Variants in BPI observed in about 807,000 individuals in gnomAD.
The protein encoded by BPI is bactericidal permeability-increasing protein.
In BPI, 48 loss-of-function variants were observed where a neutral mutation model predicts 57.6. The ratio of observed to expected loss-of-function variants is 0.83; its 90% CI spans 0.66 to 1.06. The LOEUF (loss-of-function observed/expected upper bound fraction) is 1.06. Among genes scored for constraint, BPI ranks in the 50% least tolerant of loss-of-function variants. The probability of loss-of-function intolerance (pLI) is 0.00; values close to 1 mark genes in which losing one functional copy is unlikely to be tolerated. For missense variants in BPI, 651 were observed against 609.7 expected (o/e 1.07, Z -0.71); for synonymous variants, 237 against 238.2 (o/e 0.99, Z 0.05).
chr20:38,311,655 G>A (rs2076622474), intron 4 of BPI, among the ~76,000 whole-genome samples: 1 of 152,124 alleles, frequency 6.6e-6, no homozygotes, highest in Non-Finnish European at 1.5e-5. Context: ...AGACTGGGAC[G>A]GGGGCCCAGC....
intron 8 of BPI, 77 bp downstream of exon 8, chr20:38,324,123 A>G (rs1600708724): frequency 6.6e-7 from 1 of 1,507,350 alleles, no homozygotes; most frequent in South Asian, 1.3e-5. Context: ...AAATCTGGAA[A>G]AAGCTTTTCT....
intron 5 of BPI, among the ~76,000 whole-genome samples, chr20:38,314,531 G>T (rs543489466): frequency 2.7e-5 from 4 of 148,494 alleles, no homozygotes; most frequent in Non-Finnish European, 6.0e-5. Flanking sequence ...TGGTAGGGAT[G>T]ATGATAATGA....
intron 9 of BPI, among the ~76,000 whole-genome samples, chr20:38,325,894 G>A (rs1248832327): frequency 6.6e-6 from 1 of 152,196 alleles, no homozygotes; most frequent in Non-Finnish European, 1.5e-5. Context: ...CCCCCTTGAA[G>A]CCACTACTGC....
At chr20:38,330,446 C>T (rs193272384) in intron 11 of BPI, among the ~76,000 whole-genome samples, 14 of 152,234 alleles carry the variant, frequency 9.2e-5, no homozygotes, top group African/African-American at 3.4e-4. Context: ...GCCATATGTT[C>T]CCCCCTTCCT....
intron 7 of BPI, 96 bp downstream of exon 7, chr20:38,320,370 A>C: frequency 2.7e-6 from 3 of 1,104,440 alleles, no homozygotes; most frequent in Non-Finnish European, 3.9e-6. Context: ...AATGTCCCCT[A>C]CTTCCTATCT....
At chr20:38,326,199 G>C in intron 9 of BPI, 66 bp from the exon 10 acceptor site, 1 of 1,510,870 alleles carries the variant, frequency 6.6e-7, no homozygotes, top group Non-Finnish European at 9.0e-7. Context: ...GCAGGCCAAG[G>C]TAGGATTCAG....
At position 38,324,011 on chromosome 20, in the gene BPI, G is replaced by A. The variant is rs1333560086; in HGVS notation, c.898G>A (p.Ala300Thr). Reference protein sequence around the residue: ...FNTAGLVYQEAGVLKMTLRDD... With the variant: ...FNTAGLVYQETGVLKMTLRDD... The stretch of plus-strand genomic sequence containing the variant: ...CACAGCCGGGCTTGTATACCAAGAG[G>A]CTGGGGTCTTGAAGATGACCCTTAG... Residue 300 changes from alanine (A) to threonine (T), a missense_variant, in exon 8 of 15, where the codon GCT becomes ACT. By Grantham distance (58) the Ala-to-Thr change is moderately conservative. Coordinates refer to ENST00000642449, the MANE Select transcript of BPI (RefSeq NM_001725.3). 2 of 1,614,010 alleles carry A rather than the reference G, an allele frequency of 1.2e-6. No homozygotes were observed. The highest frequency in any genetic ancestry group is 2.7e-5 in the African/African-American group (2 of 74,924).
At chr20:38,311,678 C>T (rs368443603) in intron 4 of BPI, among the ~76,000 whole-genome samples, 196 bp from the exon 5 acceptor site, 23 of 152,048 alleles carry the variant, frequency 1.5e-4, no homozygotes, top group African/African-American at 5.3e-4. Flanking sequence ...TGCAGGGATT[C>T]AGGAAATAGC....
chr20:38,322,112 G>A (rs970495397), intron 7 of BPI, among the ~76,000 whole-genome samples: 11 of 152,214 alleles, frequency 7.2e-5, no homozygotes, highest in African/African-American at 2.7e-4. Flanking sequence ...TTTACTGGCT[G>A]CTTGGATTTT....
chr20:38,335,508 G>C, intron 13 of BPI, 90 bp from the exon 14 acceptor site: 1 of 1,192,190 alleles, frequency 8.4e-7, no homozygotes, highest in Admixed American at 1.7e-5. Flanking sequence ...CTGGTTCAGG[G>C]AGGCTGTCTA....
Position 38,335,579 on chromosome 20 carries a change from C to T in BPI, c.1337-19C>T, listed in dbSNP as rs551003949. ...TCTCTTTCTTTTCTCCTGGTCCTCA[C>T]CATCGGTCTCTGTCACAGAGAAACT... On this transcript the variant is annotated intron_variant, in intron 13 of 14. Coordinates refer to ENST00000642449, the MANE Select transcript of BPI (RefSeq NM_001725.3). 137 of 1,609,824 alleles carry T rather than the reference C, an allele frequency of 8.5e-5. 1 individual carries two copies. The South Asian group carries it at 1.4e-3, about 16-fold the overall frequency.
chr20:38,309,507 G>A lies in BPI; in HGVS notation c.374+449G>A, dbSNP rs777842525. On this transcript the variant is annotated intron_variant, in intron 3 of 14. Transcript: ENST00000642449. ...CCTCCTCCTTGGACCAGTGGGTTAT[G>A]CAGAGCATATTCTTGGTGATAGCAG... Among the ~76,000 whole-genome samples, 6 of 152,178 alleles carry A rather than the reference G, an allele frequency of 3.9e-5. No homozygotes were observed. In the South Asian group the frequency reaches 1.2e-3, roughly 32 times the overall value.
chr20:38,327,617 C>A lies in BPI; in HGVS notation c.1191C>A (p.Ala397=), dbSNP rs5743527. 3 of 1,613,496 alleles carry A rather than the reference C, an allele frequency of 1.9e-6. No homozygotes were observed. In the Middle Eastern group the frequency reaches 5.1e-4, roughly 274 times the overall value. ...CAACTGGTTCCATGGAGGTCAGCGC[C>A]GAGTCCAACAGGCTTGTTGGAGAGC... The part of the protein sequence containing the change: ...MHTTGSMEVS[A]ESNRLVGELK... The change falls in exon 11 of 15, where the codon GCC becomes GCA. Residue 397 remains alanine, a synonymous_variant. Transcript: ENST00000642449.
Position 38,334,705 on chromosome 20 carries a change from G to A in BPI, c.1336+212G>A, listed in dbSNP as rs6024935. 5.5e-3 allele frequency among the ~76,000 whole-genome samples: 841 copies of A among 152,278 alleles called. 10 individuals are homozygous for A. The highest frequency in any genetic ancestry group is 0.019 in the African/African-American group (803 of 41,542). On this transcript the variant is annotated intron_variant, in intron 13 of 14. Transcript: ENST00000642449. ...TACACATGGGTTGATTCATTATTGC[G>A]TGAGTTTGTCCTTACAAAACCCCCA...
intron 7 of BPI, 81 bp downstream of exon 7, chr20:38,320,355 T>C: frequency 5.5e-6 from 7 of 1,281,986 alleles, no homozygotes; most frequent in Non-Finnish European, 7.7e-6. Context: ...GGAAACAAAC[T>C]TAACAATGTC....
At chr20:38,320,726 G>A (rs2076677575) in intron 7 of BPI, among the ~76,000 whole-genome samples, 1 of 148,970 alleles carries the variant, frequency 6.7e-6, no homozygotes, top group Non-Finnish European at 1.5e-5. Flanking sequence ...CCCTCACTAT[G>A]ATGAGGGAGA....
At chr20:38,335,912 G>C (rs977871132) in intron 14 of BPI, among the ~76,000 whole-genome samples, 6 of 152,126 alleles carry the variant, frequency 3.9e-5, no homozygotes, top group Non-Finnish European at 4.4e-5. Flanking sequence ...TCACTGCATC[G>C]TTCCCACGCT....
rs2076598066 is a variant in BPI, at chr20:38,306,644, C to A, written c.131-923C>A. On this transcript the variant is annotated intron_variant, in intron 1 of 14. Transcript: ENST00000642449. Reference sequence around the variant, plus strand: ...GGGTGAATATGGGAGGGAAGAATTTCTTAGGGAGCAAGAATAGCATGTGCA... The same window carrying A: ...GGGTGAATATGGGAGGGAAGAATTTATTAGGGAGCAAGAATAGCATGTGCA... Among the ~76,000 whole-genome samples the A allele has an allele frequency of 2.0e-5, 3 of 152,124 alleles. No individual in the cohort carries two copies. In the South Asian group the frequency reaches 6.2e-4, roughly 32 times the overall value.
chr20:38,317,789 T>A, intron 5 of BPI: 1 of 1,439,794 alleles, frequency 6.9e-7, no homozygotes, highest in South Asian at 1.2e-5. Flanking sequence ...TCTAGATAAA[T>A]GGAACAACTT....
Sources: gnomAD v4.1 joint callset for allele counts (sites outside exome capture counted in the v4.1 genomes callset) on GRCh38, gnomAD v4.1.1 for gene constraint, MANE v1.5 for transcripts, NCBI Gene and HGNC (gene_info 2026-07-23, HGNC 2026-07-21) for gene names.